The following ARHGAP15 variants were observed in gnomAD, a reference collection of about 807,000 sequenced individuals.
ARHGAP15 encodes the protein rho GTPase-activating protein 15.
ARHGAP15 carries 51 observed loss-of-function variants against 63.7 expected under a neutral mutation model. The observed-to-expected ratio is 0.80, with a 90% CI of 0.64 to 1.01. ARHGAP15 has a LOEUF of 1.01. Ranked by LOEUF, ARHGAP15 falls within the 50% of genes least tolerant of loss-of-function variation. The pLI is 0.00. For missense variants in ARHGAP15, 560 were observed against 564.6 expected (o/e 0.99, Z 0.08); for synonymous variants, 191 against 193.8 (o/e 0.99, Z 0.12).
At chr2:143,295,867 AATG>A (rs1193180393) in intron 6 of ARHGAP15, among the ~76,000 whole-genome samples, 1 of 151,988 alleles carries the variant, frequency 6.6e-6, no homozygotes, top group Non-Finnish European at 1.5e-5. Flanking sequence ...GGCACAGGAA[AATG>A]AATACTGAGT....
intron 12 of ARHGAP15, among the ~76,000 whole-genome samples, chr2:143,636,788 C>G (rs1680339960): frequency 6.6e-6 from 1 of 152,098 alleles, no homozygotes; most frequent in South Asian, 2.1e-4. Flanking sequence ...ATGTGCCCTC[C>G]TAAGGTTTGG....
intron 6 of ARHGAP15, among the ~76,000 whole-genome samples, chr2:143,348,260 A>T (rs1288482615): frequency 6.6e-6 from 1 of 152,178 alleles, no homozygotes; most frequent in Non-Finnish European, 1.5e-5. Flanking sequence ...GCCAAAGTTG[A>T]ATTTTATGCC....
rs145275412 is a variant in ARHGAP15, at chr2:143,684,322, A to G, written c.1139-19097A>G. The stretch of plus-strand genomic sequence containing the variant: ...AGAAATCAAAGGACATCCTTCACTC[A>G]TTTGATTTGATTCCAGTTTAGACAG... On this transcript the variant is annotated intron_variant, in intron 12 of 13. Transcript: ENST00000295095. Among the ~76,000 whole-genome samples, 188 of 152,276 alleles carry G rather than the reference A, an allele frequency of 1.2e-3. 1 individual carries two copies. Among genetic ancestry groups the G allele is most frequent in the African/African-American group, 4.4e-3 (184 of 41,566 alleles).
chr2:143,474,439 C>T (rs1558996163), intron 8 of ARHGAP15, among the ~76,000 whole-genome samples: 1 of 152,196 alleles, frequency 6.6e-6, no homozygotes, highest in East Asian at 1.9e-4. Flanking sequence ...TAATTGATGG[C>T]AATTACTGCA....
At chr2:143,380,432 A>C (rs1431331333) in intron 6 of ARHGAP15, among the ~76,000 whole-genome samples, 1 of 152,126 alleles carries the variant, frequency 6.6e-6, no homozygotes, top group Admixed American at 6.6e-5. Context: ...AGTTTGTTAG[A>C]GATAGTCCTG....
intron 6 of ARHGAP15, among the ~76,000 whole-genome samples, chr2:143,387,908 TGCACAC>T (rs910515482): frequency 3.0e-5 from 4 of 133,140 alleles, no homozygotes; most frequent in Non-Finnish European, 6.8e-5. Context: ...CACGCATGCC[TGCACAC>T]ACACACACAC....
At chr2:143,614,062 C>T (rs1698365085) in intron 11 of ARHGAP15, among the ~76,000 whole-genome samples, 1 of 152,136 alleles carries the variant, frequency 6.6e-6, no homozygotes, top group Admixed American at 6.6e-5. Context: ...TTCTTCATTC[C>T]TTGGCGTGAT....
At chr2:143,255,702 A>G (rs1291814018) in intron 6 of ARHGAP15, among the ~76,000 whole-genome samples, 1 of 152,164 alleles carries the variant, frequency 6.6e-6, no homozygotes, top group Non-Finnish European at 1.5e-5. Context: ...GGTTTAAAAT[A>G]AATCCGAGCT....
At chr2:143,200,261 A>T (rs1692055708) in intron 2 of ARHGAP15, among the ~76,000 whole-genome samples, 1 of 152,048 alleles carries the variant, frequency 6.6e-6, no homozygotes, top group African/African-American at 2.4e-5. Context: ...TGAAGCGAAC[A>T]TTGGGGAAAA....
At chr2:143,381,862 A>G (rs181727757) in intron 6 of ARHGAP15, among the ~76,000 whole-genome samples, 2 of 152,080 alleles carry the variant, frequency 1.3e-5, no homozygotes, top group South Asian at 2.1e-4. Context: ...TAAAAAAAGC[A>G]TAAAGGGGAG....
At chr2:143,532,897 A>G (rs1694580654) in intron 10 of ARHGAP15, among the ~76,000 whole-genome samples, 1 of 152,226 alleles carries the variant, frequency 6.6e-6, no homozygotes. Context: ...AATTTCATAC[A>G]TTTCTAATTA....
chr2:143,668,401 G>A (rs536542476), intron 12 of ARHGAP15, among the ~76,000 whole-genome samples: 1 of 151,984 alleles, frequency 6.6e-6, no homozygotes, highest in East Asian at 1.9e-4. Context: ...TCTCCCTGGT[G>A]CAAGCTCTGT....
chr2:143,690,110 T>C (rs1302125205), intron 12 of ARHGAP15, among the ~76,000 whole-genome samples: 1 of 152,198 alleles, frequency 6.6e-6, no homozygotes, highest in Non-Finnish European at 1.5e-5. Context: ...ATAAGGATGC[T>C]TCTATCTGCT....
At chr2:143,157,115 T>TA (rs1273761551) in intron 2 of ARHGAP15, among the ~76,000 whole-genome samples, 1 of 151,984 alleles carries the variant, frequency 6.6e-6, no homozygotes, top group African/African-American at 2.4e-5. Flanking sequence ...AAATTACAAG[T>TA]GATCCATCTC....
intron 6 of ARHGAP15, among the ~76,000 whole-genome samples, chr2:143,280,073 ACCT>A: frequency 6.6e-6 from 1 of 152,188 alleles, no homozygotes; most frequent in African/African-American, 2.4e-5. Context: ...AATGAATTCA[ACCT>A]ATAATTCTTC....
rs774290663 is a variant in ARHGAP15, at chr2:143,647,730, G to A, written c.1138+23463G>A. Among the ~76,000 whole-genome samples the A allele has an allele frequency of 2.3e-4, 35 of 151,972 alleles. No homozygotes were observed. The Middle Eastern group carries it at 0.014, about 59-fold the overall frequency. Reference sequence around the variant, plus strand: ...TTATCTCAATTTACAAACATACGTCGCTTTATATAATGTTAAATTACAATG... The same window carrying A: ...TTATCTCAATTTACAAACATACGTCACTTTATATAATGTTAAATTACAATG... On this transcript the variant is annotated intron_variant, in intron 12 of 13. Coordinates refer to ENST00000295095, the MANE Select transcript of ARHGAP15 (RefSeq NM_018460.4).
chr2:143,603,160 T>A (rs959410348), intron 11 of ARHGAP15, among the ~76,000 whole-genome samples: 9 of 152,212 alleles, frequency 5.9e-5, no homozygotes, highest in African/African-American at 2.2e-4. Flanking sequence ...GTGAATCAAC[T>A]CCTTGCTGGC....
chr2:143,288,167 A>G (rs1452031641), intron 6 of ARHGAP15, among the ~76,000 whole-genome samples: 3 of 152,206 alleles, frequency 2.0e-5, no homozygotes, highest in Admixed American at 1.3e-4. Flanking sequence ...TCGGCCTCCC[A>G]TGGTGACAGA....
chr2:143,437,173 A>G (rs1574448535), intron 8 of ARHGAP15, 131 bp downstream of exon 8: 2 of 1,119,628 alleles, frequency 1.8e-6, no homozygotes, highest in Non-Finnish European at 1.2e-6. Flanking sequence ...TTTCCTGGCC[A>G]GGGATTTGTG....
Sources: gnomAD v4.1 joint callset for allele counts (sites outside exome capture counted in the v4.1 genomes callset) on GRCh38, gnomAD v4.1.1 for gene constraint, MANE v1.5 for transcripts, NCBI Gene and HGNC (gene_info 2026-07-23, HGNC 2026-07-21) for gene names.